The following DOCK4 variants were observed in gnomAD, a reference collection of about 807,000 sequenced individuals.
The protein encoded by DOCK4 is dedicator of cytokinesis 4.
Under a neutral mutation model 268.1 loss-of-function variants are expected in DOCK4, and 97 were observed. The ratio of observed to expected loss-of-function variants is 0.36; its 90% CI spans 0.31 to 0.43. DOCK4 has a LOEUF of 0.43. Ranked by LOEUF, DOCK4 falls within the 20% of genes least tolerant of loss-of-function variation. DOCK4 has a pLI of 1.00. For missense variants in DOCK4, 2,145 were observed against 2,455.7 expected (o/e 0.87, Z 2.67); for synonymous variants, 954 against 887.2 (o/e 1.08, Z -1.34).
intron 1 of DOCK4, among the ~76,000 whole-genome samples, chr7:112,151,613 A>G (rs1816083479): frequency 6.6e-6 from 1 of 152,144 alleles, no homozygotes; most frequent in Non-Finnish European, 1.5e-5. Flanking sequence ...CCCCCATTGC[A>G]TTTTGATACT....
chr7:111,958,260 C>G lies in DOCK4; in HGVS notation c.702-12462G>C, dbSNP rs139180241. Among the ~76,000 whole-genome samples the G allele has an allele frequency of 2.0e-3, 311 of 152,212 alleles. 1 individual carries two copies. The highest frequency in any genetic ancestry group is 7.1e-3 in the African/African-American group (294 of 41,546). On this transcript the variant is annotated intron_variant, in intron 8 of 52. Coordinates refer to ENST00000428084, the MANE Select transcript of DOCK4 (RefSeq NM_001363540.2). ...CATCTAGATGATGAGTGGGCAAAGT[C>G]TTATCTTTGGAAAAGGAACTAAGAA...
At chr7:111,817,439 C>T (rs1259961921) in intron 27 of DOCK4, among the ~76,000 whole-genome samples, 3 of 151,766 alleles carry the variant, frequency 2.0e-5, no homozygotes, top group Admixed American at 6.6e-5. Flanking sequence ...AAACTGTCGA[C>T]GCTCCTACCT....
At chr7:112,069,482 G>GAAAACTGGCT (rs1186977862) in intron 1 of DOCK4, among the ~76,000 whole-genome samples, 1 of 152,142 alleles carries the variant, frequency 6.6e-6, no homozygotes, top group Non-Finnish European at 1.5e-5. Flanking sequence ...AAGACTTAGA[G>GAAAACTGGCT]AAAACTGGCT....
At chr7:112,121,044 A>G (rs1812682761) in intron 1 of DOCK4, among the ~76,000 whole-genome samples, 2 of 152,188 alleles carry the variant, frequency 1.3e-5, no homozygotes, top group African/African-American at 4.8e-5. Flanking sequence ...CATAAAGGAG[A>G]CATTTATTAA....
chr7:111,926,264 A>G lies in DOCK4; in HGVS notation c.1066+9276T>C, dbSNP rs1296482737. ...AAAACCCCATCTCTACTAAAATACA[A>G]TGAATAAATAAATAAATAAGCCGAG... On this transcript the variant is annotated intron_variant, in intron 12 of 52. Transcript: ENST00000428084. 2.2e-5 allele frequency among the ~76,000 whole-genome samples: 3 copies of G among 137,456 alleles called. No homozygotes were observed. In the East Asian group the frequency reaches 6.6e-4, roughly 30 times the overall value. 90.2% of individuals were successfully genotyped at this position (137,456 alleles called of 152,430 possible).
chr7:111,856,978 ATTCT>A (rs1563598976), intron 23 of DOCK4, among the ~76,000 whole-genome samples: 2 of 152,144 alleles, frequency 1.3e-5, no homozygotes, highest in African/African-American at 2.4e-5. Flanking sequence ...CTGCAACTTT[ATTCT>A]TTCTAAGGAC....
At chr7:112,060,508 T>C (rs890671618) in intron 1 of DOCK4, among the ~76,000 whole-genome samples, 3 of 152,184 alleles carry the variant, frequency 2.0e-5, no homozygotes, top group Non-Finnish European at 2.9e-5. Flanking sequence ...CTCAAAGAAA[T>C]ACTGGCACAC....
intron 4 of DOCK4, among the ~76,000 whole-genome samples, chr7:111,995,931 G>A (rs938725207): frequency 2.0e-5 from 3 of 152,144 alleles, no homozygotes; most frequent in Non-Finnish European, 4.4e-5. Context: ...GACAGACACA[G>A]AACCTTTTAT....
intron 1 of DOCK4, among the ~76,000 whole-genome samples, chr7:112,008,142 C>A (rs1412595230): frequency 6.6e-6 from 1 of 152,034 alleles, no homozygotes; most frequent in East Asian, 1.9e-4. Flanking sequence ...TTTGGTAAAG[C>A]TGGGAATATA....
At chr7:111,745,678 C>T (rs1414366722) in intron 44 of DOCK4, among the ~76,000 whole-genome samples, 8 of 75,712 alleles carry the variant, frequency 1.1e-4, no homozygotes, top group South Asian at 5.3e-4. Context: ...AGGGAGACTC[C>T]GTCTTAAAAA....
Position 112,009,798 on chromosome 7 carries a change from G to A in DOCK4, c.38-5667C>T, listed in dbSNP as rs923964452. Among the ~76,000 whole-genome samples, 6 of 152,144 alleles carry A rather than the reference G, an allele frequency of 3.9e-5. No homozygotes were observed. In the Middle Eastern group the frequency reaches 0.014, roughly 345 times the overall value. On this transcript the variant is annotated intron_variant, in intron 1 of 52. Transcript: ENST00000428084. ...AGAGAAAAAGGAAAGGGATTAAGGA[G>A]AACTAAATTCTTTTTTTTAAAATTG... is the stretch of plus-strand genomic sequence containing the variant.
At chr7:112,028,229 C>G (rs1802978641) in intron 1 of DOCK4, among the ~76,000 whole-genome samples, 1 of 152,274 alleles carries the variant, frequency 6.6e-6, no homozygotes, top group Admixed American at 6.5e-5. Flanking sequence ...CTGAAGAAGG[C>G]TCCAACAAAG....
At chr7:111,790,433 C>A in intron 31 of DOCK4, 24 bp downstream of exon 31, 1 of 1,610,976 alleles carries the variant, frequency 6.2e-7, no homozygotes. Context: ...TCTTCCAACT[C>A]TTCTGAGGAG....
At chr7:112,016,748 T>C (rs1203114160) in intron 1 of DOCK4, among the ~76,000 whole-genome samples, 3 of 152,200 alleles carry the variant, frequency 2.0e-5, no homozygotes, top group East Asian at 1.9e-4. Flanking sequence ...ACTACTACCA[T>C]AGGCATCCTT....
At chr7:112,061,432 C>A (rs182850690) in intron 1 of DOCK4, among the ~76,000 whole-genome samples, 1 of 152,194 alleles carries the variant, frequency 6.6e-6, no homozygotes, top group East Asian at 1.9e-4. Flanking sequence ...GGCTTTGGTT[C>A]ACAAGGTAGC....
chr7:111,945,632 T>C, intron 9 of DOCK4, 85 bp downstream of exon 9: 1 of 1,170,384 alleles, frequency 8.5e-7, no homozygotes, highest in Non-Finnish European at 1.2e-6. Flanking sequence ...ATTCACTATG[T>C]TCTCTCACAG....
chr7:112,196,738 G>GT (rs541204535), intron 1 of DOCK4, among the ~76,000 whole-genome samples: 82 of 151,984 alleles, frequency 5.4e-4, no homozygotes, highest in Non-Finnish European at 9.7e-4. Context: ...CCACCAATAG[G>GT]TTTTTTTCTC....
At chr7:111,823,906 T>C (rs1802201479) in intron 26 of DOCK4, among the ~76,000 whole-genome samples, 1 of 152,210 alleles carries the variant, frequency 6.6e-6, no homozygotes, top group East Asian at 1.9e-4. Context: ...ATCTAAAAAC[T>C]AAAAACCATG....
At position 112,195,786 on chromosome 7, in the gene DOCK4, T is replaced by C. The variant is rs149149433; in HGVS notation, c.37+10316A>G. On this transcript the variant is annotated intron_variant, in intron 1 of 52. Coordinates refer to ENST00000428084, the MANE Select transcript of DOCK4 (RefSeq NM_001363540.2). ...AAATTTTTGGTTAATGTCCAATTGA[T>C]AGTCTAATAAACAGCAAATTTCTTG... 2.8e-3 allele frequency among the ~76,000 whole-genome samples: 431 copies of C among 152,296 alleles called. 4 individuals are homozygous for C. Among genetic ancestry groups the C allele is most frequent in the Middle Eastern group, 0.024 (7 of 294 alleles).
Sources: gnomAD v4.1 joint callset for allele counts (sites outside exome capture counted in the v4.1 genomes callset) on GRCh38, gnomAD v4.1.1 for gene constraint, MANE v1.5 for transcripts, NCBI Gene and HGNC (gene_info 2026-07-23, HGNC 2026-07-21) for gene names.